RABGAP1L: variants seen among roughly 807,000 people sequenced by gnomAD.
RABGAP1L encodes the protein rab GTPase-activating protein 1-like.
In RABGAP1L, 63 loss-of-function variants were observed where a neutral mutation model predicts 137.7. The observed-to-expected ratio is 0.46, with a 90% confidence interval of 0.37 to 0.56. The LOEUF is 0.56. Among genes scored for constraint, RABGAP1L ranks in the 20% least tolerant of loss-of-function variants. The pLI is 0.00. For missense variants in RABGAP1L, 1,095 were observed against 1,244.0 expected (o/e 0.88, Z 1.80); for synonymous variants, 431 against 433.7 (o/e 0.99, Z 0.08).
chr1:174,413,095 G>T (rs1337186589), intron 13 of RABGAP1L, among the ~76,000 whole-genome samples: 3 of 152,112 alleles, frequency 2.0e-5, no homozygotes, highest in Admixed American at 2.0e-4. Context: ...AGGAATGCCA[G>T]TAATTCATAG....
intron 10 of RABGAP1L, among the ~76,000 whole-genome samples, chr1:174,279,727 A>G (rs188388138): frequency 4.5e-4 from 69 of 152,234 alleles, no homozygotes; most frequent in African/African-American, 1.5e-3. Context: ...AGCATATTCT[A>G]ATGAAGGTTA....
intron 11 of RABGAP1L, among the ~76,000 whole-genome samples, chr1:174,349,040 C>CGGGT (rs1682741706): frequency 8.8e-6 from 1 of 114,132 alleles, no homozygotes; most frequent in Non-Finnish European, 2.0e-5. Context: ...GGCGGCTGGC[C>CGGGT]GGGCGGGGGG....
At chr1:174,405,276 A>G (rs1369623668) in intron 13 of RABGAP1L, among the ~76,000 whole-genome samples, 5 of 152,162 alleles carry the variant, frequency 3.3e-5, no homozygotes, top group African/African-American at 1.2e-4. Context: ...AGCCAAGTAA[A>G]TATTTGCTTT....
chr1:174,433,700 TACTC>T (rs925674061), intron 13 of RABGAP1L, among the ~76,000 whole-genome samples: 1 of 152,202 alleles, frequency 6.6e-6, no homozygotes, highest in Non-Finnish European at 1.5e-5. Context: ...TGGATATACT[TACTC>T]CATCCACCAG....
Position 174,441,522 on chromosome 1 carries a change from G to T in RABGAP1L, c.1710+47377G>T, listed in dbSNP as rs1300617893. On this transcript the variant is annotated intron_variant, in intron 13 of 25. Coordinates refer to ENST00000681986, the MANE Select transcript of RABGAP1L (RefSeq NM_001366446.1). ...GGCTGAGGGGGGTGGATTACTTGAAGTCAGGAGTTTGAGACCAGCCTGACC... is the reference window on the plus strand; with the variant it reads ...GGCTGAGGGGGGTGGATTACTTGAATTCAGGAGTTTGAGACCAGCCTGACC... Among the ~76,000 whole-genome samples the T allele has an allele frequency of 2.0e-5, 3 of 152,230 alleles. No homozygotes were observed. In the East Asian group the frequency reaches 5.8e-4, roughly 29 times the overall value.
At chr1:174,819,187 T>TTAAAAAAA (rs773995217) in intron 19 of RABGAP1L, among the ~76,000 whole-genome samples, 1 of 44,840 alleles carries the variant, frequency 2.2e-5, no homozygotes, top group African/African-American at 8.6e-5. Context: ...TGCCTGTCTC[T>TTAAAAAAA]AAAAAAAAAA....
At chr1:174,519,075 G>A (rs1177986617) in intron 13 of RABGAP1L, among the ~76,000 whole-genome samples, 1 of 150,830 alleles carries the variant, frequency 6.6e-6, no homozygotes, top group Non-Finnish European at 1.5e-5. Flanking sequence ...TAGAAAGACA[G>A]AACTAATATA....
At chr1:174,436,138 C>A (rs541420672) in intron 13 of RABGAP1L, among the ~76,000 whole-genome samples, 156 of 152,262 alleles carry the variant, frequency 1.0e-3, no homozygotes, top group African/African-American at 3.4e-3. Context: ...GTCTTTATAG[C>A]AGCATGATTT....
chr1:174,345,068 G>A (rs918911206), intron 11 of RABGAP1L, among the ~76,000 whole-genome samples: 4 of 151,928 alleles, frequency 2.6e-5, no homozygotes, highest in Non-Finnish European at 5.9e-5. Flanking sequence ...TATGTTCTTG[G>A]CACCTTTGTC....
intron 13 of RABGAP1L, among the ~76,000 whole-genome samples, chr1:174,621,696 A>T (rs959897462): frequency 6.6e-6 from 1 of 152,184 alleles, no homozygotes; most frequent in African/African-American, 2.4e-5. Context: ...TTATACAAAA[A>T]TTAATTCAAG....
intron 13 of RABGAP1L, among the ~76,000 whole-genome samples, chr1:174,577,995 T>C (rs1401578922): frequency 6.6e-6 from 1 of 152,230 alleles, no homozygotes; most frequent in Admixed American, 6.5e-5. Flanking sequence ...AAATGTTGAA[T>C]AAAACATTGT....
At chr1:174,586,801 G>A (rs919946195) in intron 13 of RABGAP1L, among the ~76,000 whole-genome samples, 1 of 152,014 alleles carries the variant, frequency 6.6e-6, no homozygotes, top group African/African-American at 2.4e-5. Context: ...TCACCGTGTT[G>A]GTCAGTCTGA....
intron 21 of RABGAP1L, among the ~76,000 whole-genome samples, chr1:174,971,295 TA>T (rs1157618054): frequency 2.0e-5 from 3 of 151,218 alleles, no homozygotes; most frequent in Non-Finnish European, 4.4e-5. Context: ...ATAACTTTAA[TA>T]ATCAGAAAAA....
At chr1:174,547,701 C>A in intron 13 of RABGAP1L, 1 of 710,548 alleles carries the variant, frequency 1.4e-6, no homozygotes, top group African/African-American at 1.8e-5. Context: ...ATTCTGTGTT[C>A]TTTTAGACAT....
At chr1:174,794,415 A>G (rs1023829383) in intron 18 of RABGAP1L, among the ~76,000 whole-genome samples, 1 of 152,218 alleles carries the variant, frequency 6.6e-6, no homozygotes, top group Non-Finnish European at 1.5e-5. Context: ...TTTCCTGGAA[A>G]GAATGAAAAA....
intron 1 of RABGAP1L, among the ~76,000 whole-genome samples, chr1:174,208,691 G>T (rs1446097251): frequency 1.3e-5 from 2 of 152,120 alleles, no homozygotes; most frequent in Admixed American, 6.6e-5. Flanking sequence ...TTGTATTAAT[G>T]TCATTATAGA....
chr1:174,580,913 G>A (rs118157284), intron 13 of RABGAP1L, among the ~76,000 whole-genome samples: 2 of 152,234 alleles, frequency 1.3e-5, no homozygotes, highest in East Asian at 3.9e-4. Context: ...CAAATGGCCA[G>A]CTAGCACATG....
At chr1:174,751,148 A>G (rs771067086) in intron 17 of RABGAP1L, among the ~76,000 whole-genome samples, 9 of 152,214 alleles carry the variant, frequency 5.9e-5, no homozygotes, top group Non-Finnish European at 8.8e-5. Context: ...AGCTGAGTAA[A>G]CCCCAAACCA....
At chr1:174,596,461 T>C (rs781236566) in intron 13 of RABGAP1L, among the ~76,000 whole-genome samples, 29 of 152,336 alleles carry the variant, frequency 1.9e-4, no homozygotes, top group Non-Finnish European at 3.4e-4. Flanking sequence ...TCCTAGATAA[T>C]TTATTTGTAG....
Sources: allele counts gnomAD v4.1 joint callset (sites outside exome capture counted in the v4.1 genomes callset), GRCh38; gene constraint gnomAD v4.1.1; transcripts MANE v1.5; gene names NCBI Gene and HGNC (gene_info 2026-07-23, HGNC 2026-07-21).